DHX36: variants seen among roughly 807,000 people sequenced by gnomAD.
DHX36 encodes DEAH-box helicase 36, also known as ATP-dependent DNA/RNA helicase DHX36.
A neutral mutation model predicts 139.0 loss-of-function variants in DHX36; 50 were observed. That is an observed-to-expected ratio of 0.36 (90% CI 0.29 to 0.46). The LOEUF is 0.46. Ranked by LOEUF, DHX36 falls within the 20% of genes least tolerant of loss-of-function variation. The pLI is 1.00. For missense variants in DHX36, 1,024 were observed against 1,211.3 expected (o/e 0.85, Z 2.29); for synonymous variants, 425 against 401.9 (o/e 1.06, Z -0.69).
chr3:154,310,005 T>A lies in DHX36; in HGVS notation c.643-182A>T, dbSNP rs533854511. Among the ~76,000 whole-genome samples the A allele has an allele frequency of 1.7e-3, 255 of 152,244 alleles. No homozygotes were observed. The highest frequency in any genetic ancestry group is 3.3e-3 in the Non-Finnish European group (224 of 68,016). ...GATCTACCAACCTGCAAGAGATAAG[T>A]GCACCAAATTATAAAGAACAAAGCC... On this transcript the variant is annotated intron_variant, in intron 4 of 24. Coordinates refer to ENST00000496811, the MANE Select transcript of DHX36 (RefSeq NM_020865.3).
chr3:154,289,878 CT>C, intron 15 of DHX36, 52 bp from the exon 16 acceptor site: 2 of 1,135,484 alleles, frequency 1.8e-6, no homozygotes, highest in Non-Finnish European at 2.6e-6. Flanking sequence ...TCATCAATGA[CT>C]TTTTAGAACT....
chr3:154,302,002 T>C (rs932512260), intron 9 of DHX36, among the ~76,000 whole-genome samples: 4 of 151,936 alleles, frequency 2.6e-5, no homozygotes, highest in Non-Finnish European at 4.4e-5. Context: ...ATCTGGCCTT[T>C]AGTTATCTTA....
rs767623604 is a variant in DHX36 at position 154,324,341 on chromosome 3, G to GC, written c.75dup (p.Pro26AlafsTer8). ...CGGTTACCTCCATGACCCCCTGCTG[G>GC]CCCCCCTCCATAGCCCCCACCGGAG... On this transcript the variant is annotated frameshift_variant, in exon 1 of 25. Transcript: ENST00000496811. LOFTEE classifies it high-confidence loss of function. 6.2e-7 allele frequency: 1 copy of GC among 1,606,174 alleles called. No individual in the cohort carries two copies. Among genetic ancestry groups the GC allele is most frequent in the Non-Finnish European group, 8.5e-7 (1 of 1,176,206 alleles).
At chr3:154,310,770 T>A (rs1559957546) in intron 4 of DHX36, among the ~76,000 whole-genome samples, 1 of 61,456 alleles carries the variant, frequency 1.6e-5, no homozygotes, top group East Asian at 6.3e-4. Context: ...AGAGCAAGAC[T>A]CCCTCTCAAA....
At chr3:154,299,793 C>A in intron 12 of DHX36, 45 bp downstream of exon 12, 1 of 1,401,608 alleles carries the variant, frequency 7.1e-7, no homozygotes, top group South Asian at 1.2e-5. Context: ...ATATATAATT[C>A]AAATACCACT....
chr3:154,305,488 T>C (rs1373556878), intron 6 of DHX36, among the ~76,000 whole-genome samples: 3 of 152,160 alleles, frequency 2.0e-5, no homozygotes, highest in African/African-American at 7.2e-5. Flanking sequence ...AAAAGGCAAA[T>C]GTGTCAGGCA....
intron 19 of DHX36, 127 bp from the exon 20 acceptor site, chr3:154,283,398 A>T (rs1719390726): frequency 3.0e-6 from 2 of 659,914 alleles, no homozygotes; most frequent in Non-Finnish European, 5.2e-6. Context: ...AAAAAATTCA[A>T]AGAATTTTAT....
rs36004138 is a variant in DHX36 at position 154,321,926 on chromosome 3, CA to C, written c.243+2247del. ...TGGGCAACAGAGTGAGACTCCAACT[CA>C]AAAAAAAAAAAAAAAAGTCTTCATT... On this transcript the variant is annotated intron_variant, in intron 1 of 24. Transcript: ENST00000496811. Among the ~76,000 whole-genome samples, 768 of 111,882 alleles carry C rather than the reference CA, an allele frequency of 6.9e-3. 2 individuals are homozygous for C. The highest frequency in any genetic ancestry group is 9.7e-3 in the Middle Eastern group (2 of 206). The allele number at this position is 111,882 out of a possible 152,430, so 73.4% of individuals were successfully genotyped here. A position where few individuals can be genotyped will look rare whatever the true frequency, so the allele number is the denominator to read the frequency against.
Position 154,300,696 on chromosome 3 carries a change from C to T in DHX36, c.1359G>A (p.Arg453=). The T allele has an allele frequency of 6.2e-7, 1 of 1,602,616 alleles. No homozygotes were observed. The highest frequency in any genetic ancestry group is 8.5e-7 in the Non-Finnish European group (1 of 1,173,034). Residue 453 remains arginine (R), a splice_region_variant and synonymous_variant, in exon 11 of 25, where the codon AGG becomes AGA. Transcript: ENST00000496811. The stretch of plus-strand genomic sequence containing the variant: ...TAACATCTACAGTACTTGCAGAATA[C>T]CTATCAAAGTTAAACACAAAGTCAT... ...WPDYVRELRR[R]YSASTVDVIE...
intron 11 of DHX36, 26 bp from the exon 12 acceptor site, chr3:154,299,951 C>A: frequency 6.7e-7 from 1 of 1,495,280 alleles, no homozygotes; most frequent in Non-Finnish European, 9.3e-7. Context: ...ATAACCATTA[C>A]AAAGGATCAC....
At chr3:154,304,684 A>AT (rs1480591773) in intron 8 of DHX36, 122 bp downstream of exon 8, 3 of 740,282 alleles carry the variant, frequency 4.1e-6, no homozygotes, top group Non-Finnish European at 6.1e-6. Flanking sequence ...GGGTAGAATA[A>AT]TATTAAAATA....
At position 154,315,141 on chromosome 3, in the gene DHX36, G is replaced by A; in HGVS notation, c.508C>T (p.Leu170Phe). 1 of 1,613,366 alleles carries A rather than the reference G, an allele frequency of 6.2e-7. No individual in the cohort carries two copies. The highest frequency in any genetic ancestry group is 8.5e-7 in the Non-Finnish European group (1 of 1,179,658). ...CCATCTGGTTCATTTTCTTGCAAGAGATACTCAGAATCTCGGTCAATATAT... is the reference window on the plus strand; with the variant it reads ...CCATCTGGTTCATTTTCTTGCAAGAAATACTCAGAATCTCGGTCAATATAT... Reference protein sequence around the residue: ...RSYIDRDSEYLLQENEPDGTL... With the variant: ...RSYIDRDSEYFLQENEPDGTL... Residue 170 changes from leucine (L) to phenylalanine (F), a missense_variant, in exon 3 of 25, where the codon CTC (leucine) becomes TTC (phenylalanine). Transcript: ENST00000496811.
intron 1 of DHX36, chr3:154,319,046 G>A (rs1713092878): frequency 6.6e-6 from 1 of 152,092 alleles, no homozygotes; most frequent in African/African-American, 2.4e-5. Context: ...TCCCCACAAT[G>A]AGTTTCTGGA....
At chr3:154,308,408 C>A (rs576504607) in intron 5 of DHX36, among the ~76,000 whole-genome samples, 1 of 152,078 alleles carries the variant, frequency 6.6e-6, no homozygotes, top group South Asian at 2.1e-4. Flanking sequence ...AAGACAAACA[C>A]AAATCTTTAT....
intron 5 of DHX36, among the ~76,000 whole-genome samples, chr3:154,308,085 GGACAGAT>G (rs901783626): frequency 6.6e-6 from 1 of 152,132 alleles, no homozygotes; most frequent in African/African-American, 2.4e-5. Flanking sequence ...GACAGGAGGA[GGACAGAT>G]GATGAGAAAT....
At chr3:154,300,770 T>A in intron 10 of DHX36, 74 bp from the exon 11 acceptor site, 1 of 1,368,924 alleles carries the variant, frequency 7.3e-7, no homozygotes, top group Non-Finnish European at 1.0e-6. Flanking sequence ...AGCTTAAAAT[T>A]AACTCAATCT....
At chr3:154,305,353 C>A in intron 6 of DHX36, 185 bp from the exon 7 acceptor site, 1 of 543,824 alleles carries the variant, frequency 1.8e-6, no homozygotes, top group Admixed American at 3.5e-5. Context: ...GTTCATTATA[C>A]ATTATCTTTG....
In DHX36 at chr3:154,293,757, G is replaced by A. The variant is rs555040815; in HGVS notation, c.1661C>T (p.Ala554Val). 8.1e-6 allele frequency: 13 copies of A among 1,611,832 alleles called. No individual in the cohort carries two copies. The highest frequency in any genetic ancestry group is 3.3e-5 in the Admixed American group (2 of 59,966). Residue 554 changes from alanine (A) to valine (V), a missense_variant, in exon 14 of 25, where the codon GCG (alanine) becomes GTG (valine). Ala to Val is a moderately conservative substitution (Grantham distance 64). Coordinates refer to ENST00000496811, the MANE Select transcript of DHX36 (RefSeq NM_020865.3). Reference protein sequence around the residue: ...VRKIVIATNIAETSITIDDVV... With the variant: ...VRKIVIATNIVETSITIDDVV... ...TTAAAACTATTTTTACCTAGTCTCC[G>A]CAATGTTGGTAGCAATTACTATTTT...
At chr3:154,316,301 TCTAGCCCAATACCCCC>T in intron 1 of DHX36, 138 bp from the exon 2 acceptor site, 1 of 1,050,634 alleles carries the variant, frequency 9.5e-7, no homozygotes, top group Non-Finnish European at 1.4e-6. Flanking sequence ...ACAGGTGTCC[TCTAGCCCAATACCCCC>T]CTTCCTAGAC....
Sources: allele counts gnomAD v4.1 joint callset (sites outside exome capture counted in the v4.1 genomes callset), GRCh38; gene constraint gnomAD v4.1.1; transcripts MANE v1.5; gene names NCBI Gene and HGNC (gene_info 2026-07-23, HGNC 2026-07-21).